TMEM132D: variants seen among roughly 807,000 people sequenced by gnomAD.
TMEM132D encodes the protein mature OL transmembrane protein.
Under a neutral mutation model 62.3 loss-of-function variants are expected in TMEM132D, and 21 were observed. The ratio of observed to expected loss-of-function variants is 0.34; its 90% CI spans 0.24 to 0.49. TMEM132D has a LOEUF of 0.49. TMEM132D is among the 20% of genes least tolerant of loss of function. TMEM132D has a pLI of 0.99. For missense variants in TMEM132D, 1,346 were observed against 1,402.8 expected, an observed-to-expected ratio of 0.96 and a Z score of 0.65; for synonymous variants, 621 against 575.6, an observed-to-expected ratio of 1.08 and a Z score of -1.13.
chr12:129,733,939 C>T (rs1038655890), intron 1 of TMEM132D, among the ~76,000 whole-genome samples: 9 of 152,160 alleles, frequency 5.9e-5, no homozygotes, highest in Admixed American at 5.9e-4. Flanking sequence ...ATTCCATCTT[C>T]TGGATGTATC....
At chr12:129,653,124 T>C (rs1461530473) in intron 2 of TMEM132D, among the ~76,000 whole-genome samples, 2 of 152,040 alleles carry the variant, frequency 1.3e-5, no homozygotes, top group Admixed American at 6.6e-5. Flanking sequence ...AGGGAAGAGA[T>C]TGGAATTCCA....
intron 1 of TMEM132D, among the ~76,000 whole-genome samples, chr12:129,860,571 A>C (rs1275575157): frequency 6.6e-6 from 1 of 152,258 alleles, no homozygotes; most frequent in Admixed American, 6.5e-5. Context: ...ATATATACAT[A>C]TGTGCGTATA....
intron 3 of TMEM132D, among the ~76,000 whole-genome samples, chr12:129,390,299 A>G (rs1415122033): frequency 6.6e-6 from 1 of 152,058 alleles, no homozygotes; most frequent in Non-Finnish European, 1.5e-5. Context: ...CCTTATTACA[A>G]TGGCCCAGTT....
chr12:129,415,673 C>A (rs574037793), intron 3 of TMEM132D, among the ~76,000 whole-genome samples: 1 of 152,284 alleles, frequency 6.6e-6, no homozygotes. Flanking sequence ...TTAGGTGGTG[C>A]CACAGAAACA....
chr12:129,788,605 A>G (rs1047607874), intron 1 of TMEM132D, among the ~76,000 whole-genome samples: 1 of 152,230 alleles, frequency 6.6e-6, no homozygotes, highest in Admixed American at 6.5e-5. Flanking sequence ...ATATTTAAGC[A>G]AAGTATGACT....
chr12:129,772,131 G>T (rs1232130904), intron 1 of TMEM132D, among the ~76,000 whole-genome samples: 3 of 151,988 alleles, frequency 2.0e-5, no homozygotes, highest in African/African-American at 7.3e-5. Flanking sequence ...TTAATGTATT[G>T]TAAAACTCCC....
intron 1 of TMEM132D, among the ~76,000 whole-genome samples, chr12:129,887,437 C>T (rs2137391073): frequency 6.6e-6 from 1 of 152,248 alleles, no homozygotes; most frequent in Non-Finnish European, 1.5e-5. Flanking sequence ...CATTGTCTGC[C>T]AATCACAAAC....
chr12:129,116,801 A>G (rs1875904075), intron 5 of TMEM132D, among the ~76,000 whole-genome samples: 1 of 151,952 alleles, frequency 6.6e-6, no homozygotes, highest in South Asian at 2.1e-4. Context: ...AGGAATGCAA[A>G]GTGTACAGCC....
At chr12:129,343,805 CGTATGCCT>C (rs1434990766) in intron 3 of TMEM132D, among the ~76,000 whole-genome samples, 1 of 149,982 alleles carries the variant, frequency 6.7e-6, no homozygotes, top group Admixed American at 6.6e-5. Flanking sequence ...GGCATGGTGG[CGTATGCCT>C]GTAATCCCAG....
At chr12:129,289,128 C>T (rs1295444558) in intron 4 of TMEM132D, among the ~76,000 whole-genome samples, 2 of 151,956 alleles carry the variant, frequency 1.3e-5, no homozygotes, top group Non-Finnish European at 2.9e-5. Flanking sequence ...AGATGTTGCT[C>T]AATAGGCATA....
rs766821804 is a variant in TMEM132D at position 129,074,105 on chromosome 12, T to C, written c.3070A>G (p.Ile1024Val). ...GQLFKPLGPI[I>V]IDGKDQKSEP... is the part of the protein sequence containing the mutation. The stretch of plus-strand genomic sequence containing the variant: ...CTTTTCTGATCTTTCCCATCAATGA[T>C]GATGGGTCCCAAAGGTTTGAACAGC... Residue 1024 changes from isoleucine (I) to valine (V), a missense_variant, in exon 9 of 9, where the codon ATC becomes GTC. Coordinates refer to ENST00000422113, the MANE Select transcript of TMEM132D (RefSeq NM_133448.3). 21 of 1,614,026 alleles carry C rather than the reference T, an allele frequency of 1.3e-5. No individual in the cohort carries two copies. The South Asian group carries it at 2.0e-4, about 15-fold the overall frequency.
chr12:129,542,230 A>C (rs1054240926), intron 2 of TMEM132D, among the ~76,000 whole-genome samples: 5 of 152,224 alleles, frequency 3.3e-5, no homozygotes, highest in African/African-American at 1.2e-4. Context: ...CCTAGTTTTC[A>C]GGGTTTAGGA....
At chr12:129,807,735 A>C (rs564517160) in intron 1 of TMEM132D, among the ~76,000 whole-genome samples, 1 of 152,192 alleles carries the variant, frequency 6.6e-6, no homozygotes, top group Admixed American at 6.5e-5. Flanking sequence ...GGTTCGGCCA[A>C]TCTAGATGGA....
At chr12:129,828,779 A>AGGGAGGGAGG (rs1566000231) in intron 1 of TMEM132D, among the ~76,000 whole-genome samples, 1 of 5,104 alleles carries the variant, frequency 2.0e-4, no homozygotes, top group African/African-American at 8.3e-4. Flanking sequence ...AGGGAGGAAG[A>AGGGAGGGAGG]AAAGGAGGGA....
chr12:129,694,095 T>C (rs1303371905), intron 2 of TMEM132D, among the ~76,000 whole-genome samples: 1 of 152,218 alleles, frequency 6.6e-6, no homozygotes, highest in Non-Finnish European at 1.5e-5. Flanking sequence ...TGCTCTATGG[T>C]GCATTTCCTT....
At chr12:129,404,482 C>T (rs1490017104) in intron 3 of TMEM132D, among the ~76,000 whole-genome samples, 2 of 152,212 alleles carry the variant, frequency 1.3e-5, no homozygotes, top group East Asian at 3.8e-4. Flanking sequence ...CAGGCGTGAG[C>T]CACCATGCCC....
chr12:129,326,998 A>G (rs915757693), intron 4 of TMEM132D, among the ~76,000 whole-genome samples: 1 of 152,204 alleles, frequency 6.6e-6, no homozygotes, highest in Admixed American at 6.5e-5. Flanking sequence ...GACAGCTGTT[A>G]AGTGCAGACT....
chr12:129,736,971 C>A (rs571446766), intron 1 of TMEM132D, among the ~76,000 whole-genome samples: 10 of 152,268 alleles, frequency 6.6e-5, no homozygotes, highest in Admixed American at 3.3e-4. Flanking sequence ...GCATGTGCCA[C>A]CAACGCCAGC....
chr12:129,525,525 G>A (rs1876004243), intron 3 of TMEM132D, among the ~76,000 whole-genome samples: 1 of 152,094 alleles, frequency 6.6e-6, no homozygotes, highest in South Asian at 2.1e-4. Flanking sequence ...CATGTGTGCT[G>A]CATATACTAC....
Sources: gnomAD v4.1 joint callset for allele counts (sites outside exome capture counted in the v4.1 genomes callset) on GRCh38, gnomAD v4.1.1 for gene constraint, MANE v1.5 for transcripts, NCBI Gene and HGNC (gene_info 2026-07-23, HGNC 2026-07-21) for gene names.